Variants in SYT7 observed in about 807,000 individuals in gnomAD.
SYT7 encodes synaptotagmin 7.
Under a neutral mutation model 75.1 loss-of-function variants are expected in SYT7, and 29 were observed. The observed-to-expected ratio is 0.39, with a 90% CI of 0.29 to 0.53. SYT7 has a LOEUF of 0.53. Ranked by LOEUF, SYT7 falls within the 20% of genes least tolerant of loss-of-function variation. The pLI, the probability that SYT7 is intolerant of heterozygous loss-of-function variation, is 0.77. For synonymous variants in SYT7, 376 were observed against 401.7 expected (o/e 0.94, Z 0.76); for missense variants, 693 against 953.2 (o/e 0.73, Z 3.59).
chr11:61,567,845 GC>G (rs2063814690), intron 1 of SYT7, among the ~76,000 whole-genome samples: 1 of 152,236 alleles, frequency 6.6e-6, no homozygotes, highest in Non-Finnish European at 1.5e-5. Context: ...GGCGCTCAGA[GC>G]TTGCGGCGTT....
chr11:61,584,197 G>A (rs1390984952), upstream of SYT7, among the ~76,000 whole-genome samples: 1 of 151,982 alleles, frequency 6.6e-6, no homozygotes, highest in Non-Finnish European at 1.5e-5. Context: ...AGACTAGCCT[G>A]ACCAACATGG....
At chr11:61,531,859 A>G (rs1174620704) in intron 8 of SYT7, among the ~76,000 whole-genome samples, 3 of 138,206 alleles carry the variant, frequency 2.2e-5, no homozygotes, top group Non-Finnish European at 4.5e-5. Flanking sequence ...GTGCCACTGC[A>G]CTCCAGCCTG....
rs2062394343 is a variant in SYT7 at position 61,523,016 on chromosome 11, T to C, written c.1956+59A>G. On this transcript the variant is annotated intron_variant, in intron 12 of 12. Transcript: ENST00000539008. The surrounding 1 kb of genome is among the most constrained non-coding windows in gnomAD (Gnocchi z 5.0). The stretch of plus-strand genomic sequence containing the variant: ...CGTCCACTACCCCCGCTGCTTCTTT[T>C]AAGGAACGGAGCCTCACTGGTGCCA... 1.3e-6 allele frequency: 2 copies of C among 1,585,452 alleles called. No individual in the cohort carries two copies. The highest frequency in any genetic ancestry group is 1.7e-6 in the Non-Finnish European group (2 of 1,155,652).
Position 61,546,797 on chromosome 11 carries a change from G to C in SYT7, c.347+380C>G. 1 of 378,716 alleles carries C rather than the reference G, an allele frequency of 2.6e-6. No individual in the cohort carries two copies. The highest frequency in any genetic ancestry group is 5.1e-6 in the Non-Finnish European group (1 of 196,162). The allele number at this position is 378,716 out of a possible 1,614,324, so 23.5% of individuals were successfully genotyped here. ...CGACCACCGACCACCGAGCAGCCAC[G>C]GCAGCACACAGCGGGGAGGAAGAAG... On this transcript the variant is annotated intron_variant, in intron 4 of 12. Coordinates refer to ENST00000539008, the MANE Select transcript of SYT7 (RefSeq NM_001365809.2). The surrounding 1 kb of genome is among the most constrained non-coding windows in gnomAD (Gnocchi z 7.6).
chr11:61,545,860 C>T (rs999581580), intron 5 of SYT7, among the ~76,000 whole-genome samples, 171 bp downstream of exon 5: 3 of 152,168 alleles, frequency 2.0e-5, no homozygotes, highest in Admixed American at 6.5e-5. Context: ...CTGAGTTCGT[C>T]GTGCCAGATG....
intron 1 of SYT7, among the ~76,000 whole-genome samples, chr11:61,561,045 A>T (rs941318949): frequency 7.2e-5 from 11 of 152,142 alleles, no homozygotes; most frequent in African/African-American, 2.7e-4. Flanking sequence ...GTCCCCTTCA[A>T]GTCTTCTCCA....
Position 61,553,335 on chromosome 11 carries a change from G to A in SYT7, c.136-1872C>T, listed in dbSNP as rs911145095. On this transcript the variant is annotated intron_variant, in intron 2 of 12. Coordinates refer to ENST00000539008, the MANE Select transcript of SYT7 (RefSeq NM_001365809.2). This position sits in a 1 kb window ranked among gnomAD's most constrained non-coding sequence, Gnocchi z 5.2. Reference sequence around the variant, plus strand: ...CACACAGGCAGTGTGGGTCAAGAGTGGGGCTGCTGAGGGCATCCCATGCCA... The same window carrying A: ...CACACAGGCAGTGTGGGTCAAGAGTAGGGCTGCTGAGGGCATCCCATGCCA... 2.0e-5 allele frequency among the ~76,000 whole-genome samples: 3 copies of A among 152,234 alleles called. No homozygotes were observed. Among genetic ancestry groups the A allele is most frequent in the Admixed American group, 6.5e-5 (1 of 15,286 alleles).
rs991648724 is a variant in SYT7, at chr11:61,517,546, G to A, written c.*1081C>T. On this transcript the variant is annotated 3_prime_UTR_variant, in exon 13 of 13. Coordinates refer to ENST00000539008, the MANE Select transcript of SYT7 (RefSeq NM_001365809.2). ...ATGGAGGGGTGGAGGAAAGAAGGGT[G>A]GAGGTCTGCACAGGCAGGGAGAGAT... 7.5e-6 allele frequency: 3 copies of A among 399,598 alleles called. No individual in the cohort carries two copies. Among genetic ancestry groups the A allele is most frequent in the Non-Finnish European group, 1.3e-5 (3 of 226,744 alleles). The allele number at this position is 399,598 out of a possible 1,614,324, so 24.8% of individuals were successfully genotyped here.
At chr11:61,557,217 C>T (rs897709517) in intron 1 of SYT7, among the ~76,000 whole-genome samples, 1 of 152,182 alleles carries the variant, frequency 6.6e-6, no homozygotes, top group Non-Finnish European at 1.5e-5. Context: ...AGTGGAGACC[C>T]GCATAGATCA....
At chr11:61,528,826 C>G (rs2062611962) in intron 8 of SYT7, among the ~76,000 whole-genome samples, 1 of 152,162 alleles carries the variant, frequency 6.6e-6, no homozygotes, top group Non-Finnish European at 1.5e-5. Context: ...GACGATGGGG[C>G]TGGTGTGGGC....
chr11:61,575,592 C>T lies in SYT7; in HGVS notation c.31+5198G>A, dbSNP rs542136269. 5.3e-5 allele frequency among the ~76,000 whole-genome samples: 8 copies of T among 152,324 alleles called. No individual in the cohort carries two copies. The East Asian group carries it at 9.6e-4, about 18-fold the overall frequency. On this transcript the variant is annotated intron_variant, in intron 1 of 12. Transcript: ENST00000539008. ...CACACAGCCAGGTAAGGCCCTGCTCCGAGCAGACGAGGCCTTCATGGCCAT... is the reference window on the plus strand; with the variant it reads ...CACACAGCCAGGTAAGGCCCTGCTCTGAGCAGACGAGGCCTTCATGGCCAT...
At chr11:61,552,027 G>A (rs1215065557) in intron 2 of SYT7, among the ~76,000 whole-genome samples, 2 of 152,112 alleles carry the variant, frequency 1.3e-5, no homozygotes, top group African/African-American at 2.4e-5. Flanking sequence ...GCTGTTTTAG[G>A]AAGGCAGTCT....
chr11:61,545,282 T>G (rs2063150112), intron 5 of SYT7, among the ~76,000 whole-genome samples: 1 of 152,208 alleles, frequency 6.6e-6, no homozygotes, highest in Non-Finnish European at 1.5e-5. Flanking sequence ...GACGGCTCCT[T>G]CTGCCTGATG....
chr11:61,546,169 G>T lies in SYT7; in HGVS notation c.434C>A (p.Pro145Gln). 6.6e-7 allele frequency: 1 copy of T among 1,522,436 alleles called. No individual in the cohort carries two copies. 94.3% of individuals were successfully genotyped at this position (1,522,436 alleles called of 1,614,324 possible). Reference sequence around the variant, plus strand: ...GGCGTCCTCTCCGGGTGGCGGCACCGGTGCCGGCTTCTCCCCCAGCCGGCC... The same window carrying T: ...GGCGTCCTCTCCGGGTGGCGGCACCTGTGCCGGCTTCTCCCCCAGCCGGCC... ...REGRLGEKPA[P>Q]VPPPGEDALR... Residue 145 changes from proline to glutamine, a missense_variant, in exon 5 of 13, where the codon CCG becomes CAG. Around this residue, in one of 2 missense-constraint regions of SYT7, gnomAD observed 487 missense variants for 593.2 expected, o/e 0.82. Coordinates refer to ENST00000539008, the MANE Select transcript of SYT7 (RefSeq NM_001365809.2). The surrounding 1 kb of genome is among the most constrained non-coding windows in gnomAD (Gnocchi z 7.6).
intron 12 of SYT7, among the ~76,000 whole-genome samples, chr11:61,519,736 C>T (rs1328680900): frequency 2.0e-5 from 3 of 152,150 alleles, no homozygotes; most frequent in African/African-American, 7.2e-5. Flanking sequence ...GGGGAGGCTG[C>T]GTAAGGGGTA....
intron 3 of SYT7, among the ~76,000 whole-genome samples, chr11:61,550,434 G>C (rs769844973): frequency 9.2e-5 from 14 of 152,140 alleles, no homozygotes; most frequent in Non-Finnish European, 1.3e-4. Flanking sequence ...AGCGGGCAGG[G>C]GCCAGAGGGC....
intron 12 of SYT7, among the ~76,000 whole-genome samples, chr11:61,520,875 C>A (rs1254659430): frequency 6.6e-6 from 1 of 152,182 alleles, no homozygotes; most frequent in African/African-American, 2.4e-5. Context: ...CAAGCTCCAG[C>A]TCTGTAACAC....
chr11:61,586,803 A>T, the SYT7 span, among the ~76,000 whole-genome samples: 1 of 151,884 alleles, frequency 6.6e-6, no homozygotes, highest in Non-Finnish European at 1.5e-5. Flanking sequence ...ACAGTTAGGG[A>T]GGTGGGTTGC....
intron 1 of SYT7, among the ~76,000 whole-genome samples, chr11:61,560,468 C>G (rs1039718218): frequency 2.0e-5 from 3 of 152,044 alleles, no homozygotes; most frequent in Non-Finnish European, 4.4e-5. Flanking sequence ...GGGTCCCCTA[C>G]AGTGTGGGTG....
Sources: gnomAD v4.1 joint callset for allele counts (sites outside exome capture counted in the v4.1 genomes callset) on GRCh38, gnomAD v4.1.1 for gene constraint, gnomAD v4.1.1 regional missense constraint, Gnocchi (gnomAD v3.1) non-coding constraint, MANE v1.5 for transcripts, NCBI Gene and HGNC (gene_info 2026-07-23, HGNC 2026-07-21) for gene names.